ZNF507: variants seen among roughly 807,000 people sequenced by gnomAD.
ZNF507 encodes zinc finger protein 507.
In ZNF507, 29 loss-of-function variants were observed where a neutral mutation model predicts 80.0. That is an observed-to-expected ratio of 0.36 (90% confidence interval 0.27 to 0.49). The LOEUF (loss-of-function observed/expected upper bound fraction) is 0.49, where lower values mean the gene tolerates loss of function less well. ZNF507 is among the 20% of genes least tolerant of loss of function. The pLI is 0.98. For missense variants in ZNF507, 1,081 were observed against 1,152.2 expected, an observed-to-expected ratio of 0.94 and a Z score of 0.90; for synonymous variants, 462 against 422.5, an observed-to-expected ratio of 1.09 and a Z score of -1.15.
At chr19:32,367,927 A>G (rs80352948) in intron 5 of ZNF507, among the ~76,000 whole-genome samples, 2 of 152,320 alleles carry the variant, frequency 1.3e-5, no homozygotes, top group African/African-American at 2.4e-5. Flanking sequence ...CCGGTGTGCT[A>G]AGCATTCAAT....
chr19:32,371,303 T>C (rs558990542), intron 5 of ZNF507, among the ~76,000 whole-genome samples: 9 of 152,016 alleles, frequency 5.9e-5, no homozygotes, highest in African/African-American at 1.9e-4. Context: ...GGAGAAATCC[T>C]GTCTCTACTA....
chr19:32,351,003 C>T (rs148114091), intron 2 of ZNF507, among the ~76,000 whole-genome samples: 151 of 152,310 alleles, frequency 9.9e-4, no homozygotes, highest in African/African-American at 3.5e-3. Flanking sequence ...CCATTGGTCT[C>T]CTCTTTAATG....
At position 32,353,691 on chromosome 19, in the gene ZNF507, C is replaced by T. The variant is rs148672781; in HGVS notation, c.861C>T (p.Pro287=). Residue 287 remains proline (P), a synonymous_variant, in exon 3 of 7, where the codon CCC becomes CCT. Coordinates refer to ENST00000355898, the MANE Select transcript of ZNF507 (RefSeq NM_001136156.2). ...SYPIFENENE[P]LGLLDSSAAA... ...CAATCTTTGAAAATGAAAATGAACC[C>T]CTAGGCCTGCTGGATTCTTCAGCAG... The T allele has an allele frequency of 5.0e-3, 8,044 of 1,614,164 alleles. 29 individuals carry two copies. The highest frequency in any genetic ancestry group is 6.5e-3 in the Non-Finnish European group (7,715 of 1,180,044).
At position 32,353,561 on chromosome 19, in the gene ZNF507, A is replaced by G; in HGVS notation, c.731A>G (p.Gln244Arg). 1.2e-6 allele frequency: 2 copies of G among 1,614,274 alleles called. No homozygotes were observed. The highest frequency in any genetic ancestry group is 1.3e-5 in the African/African-American group (1 of 75,072). ...AGGAGGAAATGGTATGCATACGAACAGTACGGCATGTATCGATGCTTGTTT... is the reference window on the plus strand; with the variant it reads ...AGGAGGAAATGGTATGCATACGAACGGTACGGCATGTATCGATGCTTGTTT... ...MGRRKWYAYE[Q>R]YGMYRCLFCS... The change falls in exon 3 of 7, where the codon CAG becomes CGG. Residue 244 changes from glutamine to arginine, a missense_variant. By Grantham distance (43) the Gln-to-Arg change is conservative. Around this residue, in one of 6 missense-constraint regions of ZNF507, gnomAD observed 275 missense variants for 303.9 expected, o/e 0.90. Transcript: ENST00000355898.
intron 4 of ZNF507, among the ~76,000 whole-genome samples, chr19:32,360,140 A>G (rs545522712): frequency 6.6e-6 from 1 of 152,350 alleles, no homozygotes; most frequent in South Asian, 2.1e-4. Context: ...AAGACAGTAT[A>G]TCCAATATTG....
rs1967671055 is a variant in ZNF507 at position 32,385,046 on chromosome 19, T to C, written c.*1963T>C. 6.6e-6 allele frequency: 1 copy of C among 152,218 alleles called. No homozygotes were observed. The highest frequency in any genetic ancestry group is 6.5e-5 in the Admixed American group (1 of 15,286). The allele number at this position is 152,218 out of a possible 1,614,324, so 9.4% of individuals were successfully genotyped here. On this transcript the variant is annotated 3_prime_UTR_variant, in exon 7 of 7. Coordinates refer to ENST00000355898, the MANE Select transcript of ZNF507 (RefSeq NM_001136156.2). ...TCATTGCTGGTACAATGACTCAGTA[T>C]TTCTTTATAAAAATCTGTTGTTCTG...
At position 32,354,634 on chromosome 19, in the gene ZNF507, G is replaced by A. The variant is rs570337621; in HGVS notation, c.1804G>A (p.Ala602Thr). The A allele has an allele frequency of 1.1e-5, 17 of 1,614,128 alleles. No homozygotes were observed. In the South Asian group the frequency reaches 1.2e-4, roughly 11 times the overall value. The change falls in exon 3 of 7, where the codon GCT becomes ACT. Residue 602 changes from alanine to threonine, a missense_variant. By Grantham distance (58) the Ala-to-Thr change is moderately conservative. Around this residue, in one of 6 missense-constraint regions of ZNF507, gnomAD observed 614 missense variants for 583.9 expected, o/e 1.05. Coordinates refer to ENST00000355898, the MANE Select transcript of ZNF507 (RefSeq NM_001136156.2). ...EKLRERTDQN[A>T]SDDDILKELQ... ...ATTGAGAGAAAGGACAGACCAAAACGCTTCAGACGATGACATTTTGAAAGA... is the reference window on the plus strand; with the variant it reads ...ATTGAGAGAAAGGACAGACCAAAACACTTCAGACGATGACATTTTGAAAGA...
In ZNF507 at chr19:32,345,624, C is replaced by G. The variant is rs985020070; in HGVS notation, c.-256C>G. The G allele has an allele frequency of 2.6e-5, 4 of 152,550 alleles. No individual in the cohort carries two copies. The highest frequency in any genetic ancestry group is 9.6e-5 in the African/African-American group (4 of 41,472). The allele number at this position is 152,550 out of a possible 1,614,324, so 9.4% of individuals were successfully genotyped here. On this transcript the variant is annotated 5_prime_UTR_variant, in exon 1 of 7. Transcript: ENST00000355898. ...ACCCGCGGCTCACGTGATCCGTCCC[C>G]AGCGCCGCCATTTTGGAGCTCCGGA...
intron 4 of ZNF507, chr19:32,358,506 G>A (rs1239234616): frequency 6.6e-6 from 1 of 152,188 alleles, no homozygotes; most frequent in African/African-American, 2.4e-5. Flanking sequence ...TACAGTGAAA[G>A]GCATCACTGC....
Position 32,383,298 on chromosome 19 carries a change from G to T in ZNF507, c.*215G>T. ...TAAATATTTTGAGTGAGGGGGAGTG[G>T]GTCAAAGAGGAAGTAGAGGTGTAAT... is the stretch of plus-strand genomic sequence containing the variant. On this transcript the variant is annotated 3_prime_UTR_variant, in exon 7 of 7. Coordinates refer to ENST00000355898, the MANE Select transcript of ZNF507 (RefSeq NM_001136156.2). 1 of 566,682 alleles carries T rather than the reference G, an allele frequency of 1.8e-6. No homozygotes were observed. The highest frequency in any genetic ancestry group is 3.0e-6 in the Non-Finnish European group (1 of 329,906). 35.1% of individuals were successfully genotyped at this position (566,682 alleles called of 1,614,324 possible). A position where few individuals can be genotyped will look rare whatever the true frequency, so the allele number is the denominator to read the frequency against.
intron 5 of ZNF507, among the ~76,000 whole-genome samples, chr19:32,362,361 A>G (rs1967340395): frequency 6.6e-6 from 1 of 152,216 alleles, no homozygotes; most frequent in South Asian, 2.1e-4. Flanking sequence ...CATGTGATTT[A>G]AGTAAGAAGA....
intron 5 of ZNF507, chr19:32,380,479 C>A: frequency 1.1e-6 from 1 of 928,180 alleles, no homozygotes; most frequent in Non-Finnish European, 1.7e-6. Context: ...CATGCTATCA[C>A]AAAGTTAAAT....
intron 5 of ZNF507, among the ~76,000 whole-genome samples, chr19:32,372,722 C>T (rs948057623): frequency 5.9e-5 from 9 of 152,062 alleles, no homozygotes; most frequent in African/African-American, 1.9e-4. Flanking sequence ...CACCCACCAC[C>T]GAGAGAAAAA....
rs1159816471 is a variant in ZNF507 at position 32,352,919 on chromosome 19, C to A, written c.89C>A (p.Ser30Ter). ...ACTGCTGAAAGTATCATCAGTCCTT[C>A]ATTGGAAATTGATGAACAAAGAAAA... is the stretch of plus-strand genomic sequence containing the variant. The part of the protein sequence containing the change: ...ILTAESIISP[S>*]LEIDEQRKTK... The change falls in exon 3 of 7, where the codon TCA becomes TAA. Residue 30 changes from serine to a stop codon, truncating the protein, a stop_gained. Transcript: ENST00000355898. LOFTEE classifies it high-confidence loss of function. 1 of 1,614,022 alleles carries A rather than the reference C, an allele frequency of 6.2e-7. No individual in the cohort carries two copies. Among genetic ancestry groups the A allele is most frequent in the African/African-American group, 1.3e-5 (1 of 75,038 alleles).
At chr19:32,347,380 G>A (rs1023159345) in intron 2 of ZNF507, 42 bp downstream of exon 2, 1 of 152,274 alleles carries the variant, frequency 6.6e-6, no homozygotes, top group Non-Finnish European at 1.5e-5. Context: ...TTATTTATAA[G>A]ACTGTATAAC....
chr19:32,363,446 C>T (rs528121770), intron 5 of ZNF507, among the ~76,000 whole-genome samples: 17 of 152,294 alleles, frequency 1.1e-4, no homozygotes, highest in Non-Finnish European at 1.8e-4. Context: ...TCATTCCAGT[C>T]CTTCAATGAC....
intron 5 of ZNF507, among the ~76,000 whole-genome samples, chr19:32,381,811 C>T (rs893249415): frequency 2.6e-5 from 4 of 152,150 alleles, no homozygotes; most frequent in Admixed American, 1.3e-4. Flanking sequence ...TCAGTTCTAT[C>T]TGACCAGTTT....
At chr19:32,360,298 C>T (rs770469674) in intron 4 of ZNF507, among the ~76,000 whole-genome samples, 1 of 152,150 alleles carries the variant, frequency 6.6e-6, no homozygotes, top group Non-Finnish European at 1.5e-5. Flanking sequence ...GTTTATAGGT[C>T]AGATGATGTT....
At chr19:32,362,952 TACTC>T (rs1341390904) in intron 5 of ZNF507, among the ~76,000 whole-genome samples, 1 of 152,226 alleles carries the variant, frequency 6.6e-6, no homozygotes, top group Non-Finnish European at 1.5e-5. Flanking sequence ...TTTCTTTAAA[TACTC>T]ACCATCCTTT....
Sources: gnomAD v4.1 joint callset for allele counts (sites outside exome capture counted in the v4.1 genomes callset) on GRCh38, gnomAD v4.1.1 for gene constraint, gnomAD v4.1.1 regional missense constraint, MANE v1.5 for transcripts, NCBI Gene and HGNC (gene_info 2026-07-23, HGNC 2026-07-21) for gene names.